Variants in NEDD4L observed in about 807,000 individuals in gnomAD.
NEDD4L encodes NEDD4 like E3 ubiquitin protein ligase.
Under a neutral mutation model 148.9 loss-of-function variants are expected in NEDD4L, and 54 were observed. The ratio of observed to expected loss-of-function variants is 0.36; its 90% CI spans 0.29 to 0.45. The LOEUF (loss-of-function observed/expected upper bound fraction) is 0.45, where lower values mean the gene tolerates loss of function less well. NEDD4L is among the 20% of genes least tolerant of loss of function. The pLI is 1.00. For missense variants in NEDD4L, 856 were observed against 1,233.8 expected, an observed-to-expected ratio of 0.69 and a Z score of 4.59; for synonymous variants, 433 against 440.7, an observed-to-expected ratio of 0.98 and a Z score of 0.22.
In NEDD4L at chr18:58,367,820, T is replaced by C; in HGVS notation, c.2138T>C (p.Ile713Thr). The C allele has an allele frequency of 2.5e-6, 4 of 1,614,024 alleles. No individual in the cohort carries two copies. The highest frequency in any genetic ancestry group is 2.2e-5 in the East Asian group (1 of 44,894). The change falls in exon 22 of 31, where the codon ATT (isoleucine) becomes ACT (threonine). Residue 713 changes from isoleucine to threonine, a missense_variant. Around this residue, in one of 4 missense-constraint regions of NEDD4L, gnomAD observed 286 missense variants for 531.8 expected, o/e 0.54. Coordinates refer to ENST00000400345, the MANE Select transcript of NEDD4L (RefSeq NM_001144967.3). ...GATCATTTGTCCTACTTCACTTTTA[T>C]TGGAAGAGTTGCTGGTCTGGCCGTA... is the stretch of plus-strand genomic sequence containing the variant. ...NEDHLSYFTF[I>T]GRVAGLAVFH...
intron 6 of NEDD4L, among the ~76,000 whole-genome samples, chr18:58,317,795 G>A (rs1297250867): frequency 1.3e-5 from 2 of 152,190 alleles, no homozygotes; most frequent in South Asian, 2.1e-4. Flanking sequence ...AGCCGTGAAC[G>A]CCCAGAGAGG....
At chr18:58,325,353 T>A (rs2059221608) in intron 9 of NEDD4L, among the ~76,000 whole-genome samples, 191 bp downstream of exon 9, 1 of 152,278 alleles carries the variant, frequency 6.6e-6, no homozygotes, top group African/African-American at 2.4e-5. Flanking sequence ...TTGTAAGCGA[T>A]TGCCTTTGAG....
At chr18:58,124,241 G>T (rs147854530) in intron 1 of NEDD4L, among the ~76,000 whole-genome samples, 1 of 152,356 alleles carries the variant, frequency 6.6e-6, no homozygotes, top group African/African-American at 2.4e-5. Context: ...AGTGCCAGCT[G>T]TGCTGTCCTG....
At chr18:58,247,199 G>A (rs960813538) in intron 3 of NEDD4L, 1 of 152,070 alleles carries the variant, frequency 6.6e-6, no homozygotes, top group Admixed American at 6.5e-5. Context: ...TTAAAAAATT[G>A]TAACTGTCTT....
chr18:58,164,935 A>G (rs2036662045), intron 1 of NEDD4L, among the ~76,000 whole-genome samples: 1 of 152,250 alleles, frequency 6.6e-6, no homozygotes, highest in Admixed American at 6.5e-5. Context: ...CCTTGGACAC[A>G]GTGCTCTATT....
intron 1 of NEDD4L, among the ~76,000 whole-genome samples, chr18:58,130,490 C>G (rs1369287779): frequency 1.7e-5 from 2 of 116,490 alleles, no homozygotes; most frequent in African/African-American, 7.0e-5. Context: ...GTGTTGGGCT[C>G]TGTTGGGGTT....
intron 1 of NEDD4L, among the ~76,000 whole-genome samples, chr18:58,132,902 C>G (rs937437426): frequency 6.6e-6 from 1 of 152,176 alleles, no homozygotes; most frequent in Non-Finnish European, 1.5e-5. Flanking sequence ...TGAGATCAGA[C>G]AAATCGATTA....
chr18:58,051,235 G>A (rs899445603), intron 1 of NEDD4L, among the ~76,000 whole-genome samples: 1 of 152,182 alleles, frequency 6.6e-6, no homozygotes, highest in Non-Finnish European at 1.5e-5. Flanking sequence ...TCCAGCCTGG[G>A]TGACAGAGCA....
intron 19 of NEDD4L, among the ~76,000 whole-genome samples, chr18:58,363,491 C>T (rs1449187571): frequency 2.6e-5 from 4 of 152,164 alleles, no homozygotes; most frequent in South Asian, 2.1e-4. Flanking sequence ...CCAAAACTCA[C>T]GGCCCTGACT....
chr18:58,298,951 T>C (rs564984498), intron 5 of NEDD4L, among the ~76,000 whole-genome samples: 5 of 152,350 alleles, frequency 3.3e-5, no homozygotes, highest in East Asian at 3.9e-4. Flanking sequence ...TCACATTGAA[T>C]TGATGACAGT....
At chr18:58,364,909 C>T (rs1303421457) in intron 20 of NEDD4L, among the ~76,000 whole-genome samples, 1 of 152,206 alleles carries the variant, frequency 6.6e-6, no homozygotes, top group Non-Finnish European at 1.5e-5. Flanking sequence ...TTTCTAATGA[C>T]ACACCATCCC....
intron 1 of NEDD4L, among the ~76,000 whole-genome samples, chr18:58,073,887 T>C (rs1568177298): frequency 6.6e-6 from 1 of 152,190 alleles, no homozygotes; most frequent in Non-Finnish European, 1.5e-5. Flanking sequence ...AAAAACAATA[T>C]ACAGTTAAGA....
intron 24 of NEDD4L, among the ~76,000 whole-genome samples, chr18:58,376,614 G>C (rs927035962): frequency 6.6e-6 from 1 of 152,090 alleles, no homozygotes; most frequent in African/African-American, 2.4e-5. Context: ...TCACACCCAA[G>C]TCCAAGCTCC....
chr18:58,092,738 TGTG>T (rs911219295), intron 1 of NEDD4L, among the ~76,000 whole-genome samples: 5 of 151,194 alleles, frequency 3.3e-5, no homozygotes, highest in African/African-American at 1.2e-4. Context: ...GCACTTGAGA[TGTG>T]GTGCACATGA....
intron 1 of NEDD4L, among the ~76,000 whole-genome samples, chr18:58,048,341 T>C (rs548589321): frequency 7.9e-5 from 12 of 152,326 alleles, no homozygotes; most frequent in African/African-American, 2.9e-4. Flanking sequence ...GCTTTTCAGT[T>C]TAAGATGCTG....
rs752748077 is a variant in NEDD4L, at chr18:58,341,142, C to T, written c.1230C>T (p.Thr410=). The change falls in exon 14 of 31, where the codon ACC becomes ACT. Residue 410 remains threonine, a synonymous_variant. Coordinates refer to ENST00000400345, the MANE Select transcript of NEDD4L (RefSeq NM_001144967.3). The stretch of plus-strand genomic sequence containing the variant: ...ACTATGTCAATCATAACAATCGAAC[C>T]ACAACTTGGACTCGACCTATCATGC... ...RTYYVNHNNR[T]TTWTRPIMQL... 6.2e-7 allele frequency: 1 copy of T among 1,612,860 alleles called. No individual in the cohort carries two copies. Among genetic ancestry groups the T allele is most frequent in the East Asian group, 2.2e-5 (1 of 44,854 alleles).
intron 5 of NEDD4L, chr18:58,255,795 G>A: frequency 8.1e-7 from 1 of 1,232,620 alleles, no homozygotes; most frequent in East Asian, 3.2e-5. Context: ...CAGAACGGAG[G>A]GGAGGACGGC....
intron 5 of NEDD4L, among the ~76,000 whole-genome samples, chr18:58,291,018 A>G (rs901890695): frequency 1.5e-4 from 22 of 151,282 alleles, no homozygotes; most frequent in Admixed American, 1.3e-3. Flanking sequence ...ACCGACCCAC[A>G]TGGTCACACA....
chr18:58,056,024 G>A (rs937148390), intron 1 of NEDD4L, among the ~76,000 whole-genome samples: 1 of 152,216 alleles, frequency 6.6e-6, no homozygotes, highest in African/African-American at 2.4e-5. Context: ...TGAGCGGTCA[G>A]CTCTTCAGTG....
Sources: gnomAD v4.1 joint callset for allele counts (sites outside exome capture counted in the v4.1 genomes callset) on GRCh38, gnomAD v4.1.1 for gene constraint, gnomAD v4.1.1 regional missense constraint, MANE v1.5 for transcripts, NCBI Gene and HGNC (gene_info 2026-07-23, HGNC 2026-07-21) for gene names.